SOD2: variants seen among roughly 807,000 people sequenced by gnomAD.
SOD2 encodes superoxide dismutase 2.
SOD2 carries 11 observed loss-of-function variants against 27.0 expected under a neutral mutation model. The ratio of observed to expected loss-of-function variants is 0.41; its 90% CI spans 0.26 to 0.67. The LOEUF is 0.67. SOD2 is among the 30% of genes least tolerant of loss of function. The pLI, the probability that SOD2 is intolerant of heterozygous loss-of-function variation, is 0.34. For missense variants in SOD2, 250 were observed against 274.5 expected, an observed-to-expected ratio of 0.91 and a Z score of 0.63; for synonymous variants, 105 against 103.0, an observed-to-expected ratio of 1.02 and a Z score of -0.12.
intron 1 of SOD2, among the ~76,000 whole-genome samples, chr6:159,744,854 A>G (rs1215064931): frequency 6.6e-6 from 1 of 151,972 alleles, no homozygotes; most frequent in Non-Finnish European, 1.5e-5. Context: ...TAATTTCTTA[A>G]TTTTTGTAGA....
At chr6:159,704,195 T>C (rs557109435) in intron 1 of SOD2, among the ~76,000 whole-genome samples, 1 of 152,214 alleles carries the variant, frequency 6.6e-6, no homozygotes, top group African/African-American at 2.4e-5. Context: ...GCTCCCAGCA[T>C]TAGCGATGCA....
rs73599364 is a variant in SOD2 at position 159,715,608 on chromosome 6, T to C, written c.-116+11521A>G. Among the ~76,000 whole-genome samples, 1,294 of 152,232 alleles carry C rather than the reference T, an allele frequency of 8.5e-3. 20 individuals are homozygous for C. Among genetic ancestry groups the C allele is most frequent in the African/African-American group, 0.028 (1,175 of 41,544 alleles). On this transcript the variant is annotated intron_variant, in intron 1 of 2. Transcript: ENST00000401980. ...CAAACAGAATAGTATTTTGAAAAGT[T>C]CTGAATATAGGCCAGGCATGGTGGC...
intron 1 of SOD2, chr6:159,760,236 A>C (rs749572041): frequency 6.6e-6 from 1 of 152,264 alleles, no homozygotes; most frequent in South Asian, 2.1e-4. Context: ...AGGCTGGAAG[A>C]GTTTGGTTTC....
intron 1 of SOD2, chr6:159,755,788 T>TTTTTTTTTTTTTTTTTTTTTTTTTTTTTA: frequency 1.0e-6 from 1 of 964,794 alleles, no homozygotes; most frequent in Non-Finnish European, 1.3e-6. Context: ...TTTTTTTTTT[T>TTTTTTTTTTTTTTTTTTTTTTTTTTTTTA]TTGCTTCAAT....
intron 1 of SOD2, chr6:159,755,768 T>TTA: frequency 1.8e-6 from 1 of 561,248 alleles, no homozygotes; most frequent in Non-Finnish European, 2.3e-6. Flanking sequence ...TTCTTTTCTT[T>TTA]TTTTTTTTTT....
rs115508891 is a variant in SOD2 at position 159,701,102 on chromosome 6, A to C, written c.-115-8239T>G. On this transcript the variant is annotated intron_variant, in intron 1 of 2. Coordinates refer to the SOD2 transcript ENST00000401980. The stretch of plus-strand genomic sequence containing the variant: ...CATGCCACCACTGTGAGCAATATAA[A>C]TATAACCCCACACCTGCTTCCTCTC... Among the ~76,000 whole-genome samples, 638 of 152,256 alleles carry C rather than the reference A, an allele frequency of 4.2e-3. 6 individuals carry two copies. The highest frequency in any genetic ancestry group is 0.015 in the African/African-American group (613 of 41,546).
chr6:159,714,206 G>A (rs1361445468), intron 1 of SOD2, among the ~76,000 whole-genome samples: 2 of 152,128 alleles, frequency 1.3e-5, no homozygotes, highest in African/African-American at 2.4e-5. Context: ...TGTCACATAA[G>A]ACTAATACAG....
intron 1 of SOD2, chr6:159,713,940 C>A: frequency 1.2e-6 from 1 of 859,262 alleles, no homozygotes. Flanking sequence ...CAGGATAGGC[C>A]CTGGACCTTC....
At chr6:159,756,594 C>CT (rs3066261) in intron 1 of SOD2, among the ~76,000 whole-genome samples, 4,294 of 94,300 alleles carry the variant, frequency 0.046, 176 homozygotes, top group African/African-American at 0.088. Flanking sequence ...ATTTCTTAGG[C>CT]TTTTTTTTTT....
chr6:159,700,047 A>T (rs1777496720), intron 1 of SOD2, among the ~76,000 whole-genome samples: 2 of 152,238 alleles, frequency 1.3e-5, no homozygotes, highest in South Asian at 4.1e-4. Flanking sequence ...GAAATTAGAT[A>T]AAATCGCATA....
intron 1 of SOD2, among the ~76,000 whole-genome samples, chr6:159,703,892 T>C (rs2114810774): frequency 6.6e-6 from 1 of 152,380 alleles, no homozygotes; most frequent in Non-Finnish European, 1.5e-5. Flanking sequence ...TGTTTCAGTG[T>C]TCAAAATTAC....
chr6:159,711,133 C>T (rs565773046), intron 1 of SOD2, among the ~76,000 whole-genome samples: 7 of 96,836 alleles, frequency 7.2e-5, no homozygotes, highest in Admixed American at 6.2e-4. Context: ...CTCTGATCAC[C>T]ATAACCACCT....
chr6:159,743,335 CTG>C (rs1162886943), intron 1 of SOD2, among the ~76,000 whole-genome samples: 1 of 152,254 alleles, frequency 6.6e-6, no homozygotes, highest in Non-Finnish European at 1.5e-5. Context: ...GCGTGAGCCT[CTG>C]TGCCCAGACA....
chr6:159,749,446 T>G (rs980064032), upstream of SOD2: 79 of 978,538 alleles, frequency 8.1e-5, no homozygotes, highest in Non-Finnish European at 9.5e-5. Context: ...TTTTTTAAGT[T>G]CAAAGAATAT....
intron 1 of SOD2, among the ~76,000 whole-genome samples, chr6:159,732,773 G>A (rs1304405551): frequency 6.6e-5 from 10 of 152,172 alleles, no homozygotes; most frequent in Non-Finnish European, 1.0e-4. Flanking sequence ...GCAGTGAGCC[G>A]AGATCGCGCC....
chr6:159,728,011 G>A (rs960122407), upstream of SOD2, among the ~76,000 whole-genome samples: 1 of 152,222 alleles, frequency 6.6e-6, no homozygotes, highest in African/African-American at 2.4e-5. Context: ...GGCGGCGCTC[G>A]TTTTTTCCTC....
intron 1 of SOD2, among the ~76,000 whole-genome samples, chr6:159,754,293 T>A (rs980915987): frequency 2.0e-5 from 3 of 152,238 alleles, no homozygotes; most frequent in Admixed American, 6.5e-5. Context: ...CTGTGACTTT[T>A]GTCCTTTTAT....
intron 1 of SOD2, among the ~76,000 whole-genome samples, chr6:159,738,300 A>G (rs1182405244): frequency 6.6e-6 from 1 of 152,218 alleles, no homozygotes; most frequent in Admixed American, 6.5e-5. Flanking sequence ...TATAATTGTT[A>G]CTTCAGAGTG....
At chr6:159,711,995 ACC>A (rs1777795037) in intron 1 of SOD2, among the ~76,000 whole-genome samples, 2 of 83,362 alleles carry the variant, frequency 2.4e-5, no homozygotes, top group African/African-American at 5.1e-5. Flanking sequence ...CACTGCTCAG[ACC>A]TCCATAACCA....
Sources: allele counts gnomAD v4.1 joint callset (sites outside exome capture counted in the v4.1 genomes callset), GRCh38; gene constraint gnomAD v4.1.1; transcripts MANE v1.5; gene names NCBI Gene and HGNC (gene_info 2026-07-23, HGNC 2026-07-21).